The following PTPRQ variants were observed in gnomAD, a reference collection of about 807,000 sequenced individuals.
The protein encoded by PTPRQ is phosphatidylinositol phosphatase PTPRQ.
Under a neutral mutation model 246.0 loss-of-function variants are expected in PTPRQ, and 199 were observed. The ratio of observed to expected loss-of-function variants is 0.81; its 90% CI spans 0.72 to 0.91. The LOEUF is 0.91. Among genes scored for constraint, PTPRQ ranks in the 40% least tolerant of loss-of-function variants. The pLI, the probability that PTPRQ is intolerant of heterozygous loss-of-function variation, is 0.00. For missense variants in PTPRQ, 2,624 were observed against 2,528.4 expected, an observed-to-expected ratio of 1.04 and a Z score of -0.81; for synonymous variants, 869 against 853.2, an observed-to-expected ratio of 1.02 and a Z score of -0.32.
intron 27 of PTPRQ, among the ~76,000 whole-genome samples, chr12:80,606,176 G>T (rs546776936): frequency 1.3e-5 from 2 of 151,120 alleles, no homozygotes; most frequent in South Asian, 4.2e-4. Context: ...GAAATATGTG[G>T]CAGTCCTCCA....
rs895021080 is a variant in PTPRQ at position 80,496,597 on chromosome 12, G to A, written c.2272+66G>A. The stretch of plus-strand genomic sequence containing the variant: ...GATATAGTAAGCAAAGCTGATAATC[G>A]CCATGTTGTTTACATTTTACATAAC... On this transcript the variant is annotated intron_variant, in intron 14 of 44. Transcript: ENST00000644991. 6.8e-6 allele frequency: 10 copies of A among 1,470,226 alleles called. No homozygotes were observed. The Admixed American group carries it at 8.7e-5, about 13-fold the overall frequency. 91.1% of individuals were successfully genotyped at this position (1,470,226 alleles called of 1,614,324 possible). A position where few individuals can be genotyped will look rare whatever the true frequency, so the allele number is the denominator to read the frequency against.
At chr12:80,476,276 G>A (rs61950916) in intron 8 of PTPRQ, among the ~76,000 whole-genome samples, 3,716 of 152,134 alleles carry the variant, frequency 0.024, 39 homozygotes, top group Middle Eastern at 0.065. Context: ...AATGCATATT[G>A]GTAAATTGCA....
rs1305264229 is a variant in PTPRQ at position 80,610,396 on chromosome 12, T to C, written c.4732-43T>C. The C allele has an allele frequency of 2.1e-6, 3 of 1,427,652 alleles. No individual in the cohort carries two copies. The East Asian group carries it at 7.9e-5, about 38-fold the overall frequency. 88.4% of individuals were successfully genotyped at this position (1,427,652 alleles called of 1,614,324 possible). On this transcript the variant is annotated intron_variant, in intron 27 of 44. Transcript: ENST00000644991. ...ATTATTATGTTTTGGTGACTCAGAT[T>C]TCAAGTGCTGCTTCCTTAATTTTTA...
chr12:80,540,143 G>A lies in PTPRQ; in HGVS notation c.3154+199G>A, dbSNP rs1997278. On this transcript the variant is annotated intron_variant, in intron 20 of 44. Coordinates refer to ENST00000644991, the MANE Select transcript of PTPRQ (RefSeq NM_001145026.2). Reference sequence around the variant, plus strand: ...CTGTTCAAGAAAACTGCTAACATCCGTTCATGAAAATTCTGTTCTTTTTAT... The same window carrying A: ...CTGTTCAAGAAAACTGCTAACATCCATTCATGAAAATTCTGTTCTTTTTAT... Among the ~76,000 whole-genome samples the A allele has an allele frequency of 0.95, 144,859 of 152,146 alleles. 69,194 individuals carry two copies. Among genetic ancestry groups the A allele is most frequent in the Non-Finnish European group, 0.99 (67,071 of 67,928 alleles).
intron 15 of PTPRQ, among the ~76,000 whole-genome samples, 161 bp from the exon 16 acceptor site, chr12:80,506,407 AT>A (rs1168278057): frequency 4.6e-5 from 7 of 151,898 alleles, no homozygotes; most frequent in Admixed American, 3.3e-4. Flanking sequence ...ATCCTATATC[AT>A]TTTGTCTTCA....
chr12:80,560,179 T>C (rs1365857066), intron 25 of PTPRQ, among the ~76,000 whole-genome samples: 1 of 152,208 alleles, frequency 6.6e-6, no homozygotes, highest in Non-Finnish European at 1.5e-5. Context: ...GAAACCCTGA[T>C]GCTCTGCTCC....
In PTPRQ at chr12:80,542,307, A is replaced by G. The variant is rs1379327774; in HGVS notation, c.3664A>G (p.Arg1222Gly). ...ATTATATAGCTTTTTTGCTGCCGCAAGAACTAGAAAAGGACTTGGTCCTTC... is the reference window on the plus strand; with the variant it reads ...ATTATATAGCTTTTTTGCTGCCGCAGGAACTAGAAAAGGACTTGGTCCTTC... The part of the protein sequence containing the change: ...FTLYSFFAAA[R>G]TRKGLGPSSI... Residue 1222 changes from arginine (R) to glycine (G), a missense_variant, in exon 22 of 45, where the codon AGA becomes GGA. Coordinates refer to ENST00000644991, the MANE Select transcript of PTPRQ (RefSeq NM_001145026.2). 8 of 1,549,490 alleles carry G rather than the reference A, an allele frequency of 5.2e-6. No homozygotes were observed. The Admixed American group carries it at 1.6e-4, about 31-fold the overall frequency.
At chr12:80,657,573 AAAT>A (rs1399626093) in intron 38 of PTPRQ, among the ~76,000 whole-genome samples, 9 of 151,858 alleles carry the variant, frequency 5.9e-5, no homozygotes, top group Admixed American at 2.0e-4. Context: ...TGAATCATTT[AAAT>A]AATAATAAAA....
At chr12:80,506,270 G>A in intron 15 of PTPRQ, 64 bp downstream of exon 15, 2 of 1,381,086 alleles carry the variant, frequency 1.4e-6, no homozygotes, top group Non-Finnish European at 1.9e-6. Context: ...ACAAATATTA[G>A]TTTAATGTTA....
chr12:80,509,203 G>A (rs959639142), intron 16 of PTPRQ, among the ~76,000 whole-genome samples: 1 of 151,952 alleles, frequency 6.6e-6, no homozygotes, highest in African/African-American at 2.4e-5. Flanking sequence ...CTTATAACTT[G>A]TCTCATAAAC....
At chr12:80,641,167 G>A (rs114486084) in intron 35 of PTPRQ, among the ~76,000 whole-genome samples, 1 of 152,204 alleles carries the variant, frequency 6.6e-6, no homozygotes, top group African/African-American at 2.4e-5. Flanking sequence ...ACGCTTCCAG[G>A]CACTCCCCTG....
rs141506817 is a variant in PTPRQ, at chr12:80,589,786, C to T, written c.4609+1334C>T. On this transcript the variant is annotated intron_variant, in intron 26 of 44. Coordinates refer to ENST00000644991, the MANE Select transcript of PTPRQ (RefSeq NM_001145026.2). ...GACACTTGGTTTCTGTAAGATCTACCCTTCTGTTTTTTCTCCTACCTTCCT... is the reference window on the plus strand; with the variant it reads ...GACACTTGGTTTCTGTAAGATCTACTCTTCTGTTTTTTCTCCTACCTTCCT... Among the ~76,000 whole-genome samples the T allele has an allele frequency of 7.1e-3, 1,081 of 152,024 alleles. 14 individuals carry two copies. The highest frequency in any genetic ancestry group is 0.035 in the South Asian group (170 of 4,806).
At chr12:80,671,544 AAAGT>A (rs1900970562) in intron 42 of PTPRQ, among the ~76,000 whole-genome samples, 1 of 152,150 alleles carries the variant, frequency 6.6e-6, no homozygotes, top group African/African-American at 2.4e-5. Context: ...AGATAAGAAG[AAAGT>A]ATGTTCATAT....
intron 43 of PTPRQ, among the ~76,000 whole-genome samples, chr12:80,675,642 G>A (rs1271805021): frequency 6.6e-6 from 1 of 152,098 alleles, no homozygotes; most frequent in Non-Finnish European, 1.5e-5. Flanking sequence ...CAACTTTGTA[G>A]AATTAAATTC....
rs1037583663 is a variant in PTPRQ at position 80,489,133 on chromosome 12, A to G, written c.1360-4142A>G. On this transcript the variant is annotated intron_variant, in intron 9 of 44. Transcript: ENST00000644991. ...TGAGGTTTTAGGCACTCTGTTAGGT[A>G]CAGAAACCCATAGATGAATAAGAAA... Among the ~76,000 whole-genome samples the G allele has an allele frequency of 2.6e-5, 4 of 152,162 alleles. No homozygotes were observed. The East Asian group carries it at 5.8e-4, about 22-fold the overall frequency.
At chr12:80,615,718 G>A (rs961577332) in intron 29 of PTPRQ, among the ~76,000 whole-genome samples, 1 of 150,978 alleles carries the variant, frequency 6.6e-6, no homozygotes, top group Non-Finnish European at 1.5e-5. Context: ...TCATCTTAGA[G>A]AGGGAAAAAA....
intron 17 of PTPRQ, among the ~76,000 whole-genome samples, chr12:80,524,620 A>G (rs992735840): frequency 2.0e-5 from 3 of 152,166 alleles, no homozygotes; most frequent in Non-Finnish European, 2.9e-5. Flanking sequence ...CATTGTTTTT[A>G]AGATTCTGTT....
In PTPRQ at chr12:80,471,367, G is replaced by A. The variant is rs554487671; in HGVS notation, c.1040-738G>A. On this transcript the variant is annotated intron_variant, in intron 7 of 44. Transcript: ENST00000644991. ...TAAAGGAAACATTTAAAGCAAAGTC[G>A]AAGATTTAAAGTATTGTGCTGACAG... is the stretch of plus-strand genomic sequence containing the variant. Among the ~76,000 whole-genome samples the A allele has an allele frequency of 5.3e-5, 8 of 151,314 alleles. No individual in the cohort carries two copies. The East Asian group carries it at 5.8e-4, about 11-fold the overall frequency.
chr12:80,579,059 C>T (rs1194989913), intron 25 of PTPRQ, among the ~76,000 whole-genome samples: 3 of 152,120 alleles, frequency 2.0e-5, no homozygotes, highest in Non-Finnish European at 4.4e-5. Context: ...TATTTCTTTA[C>T]ATTTTTCTTT....
Sources: allele counts gnomAD v4.1 joint callset (sites outside exome capture counted in the v4.1 genomes callset), GRCh38; gene constraint gnomAD v4.1.1; transcripts MANE v1.5; gene names NCBI Gene and HGNC (gene_info 2026-07-23, HGNC 2026-07-21).